Variants in TBC1D15 observed in about 807,000 individuals in gnomAD.
The protein encoded by TBC1D15 is TBC1 domain family member 15, also known as GAP for RAB7.
A neutral mutation model predicts 95.4 loss-of-function variants in TBC1D15; 39 were observed. That is an observed-to-expected ratio of 0.41 (90% CI 0.32 to 0.53). The LOEUF (loss-of-function observed/expected upper bound fraction) is 0.53, where lower values mean the gene tolerates loss of function less well. TBC1D15 is among the 20% of genes least tolerant of loss of function. The probability of loss-of-function intolerance (pLI) is 0.29; values close to 1 mark genes in which losing one functional copy is unlikely to be tolerated. For missense variants in TBC1D15, 733 were observed against 794.3 expected, an observed-to-expected ratio of 0.92 and a Z score of 0.93; for synonymous variants, 258 against 261.3, an observed-to-expected ratio of 0.99 and a Z score of 0.12.
chr12:71,908,770 G>A (rs965893649), intron 11 of TBC1D15, among the ~76,000 whole-genome samples: 4 of 152,124 alleles, frequency 2.6e-5, no homozygotes, highest in Admixed American at 2.6e-4. Context: ...TTTAATTCTC[G>A]TAGCAGCCTT....
At chr12:71,891,770 G>T (rs2138649873) in intron 5 of TBC1D15, among the ~76,000 whole-genome samples, 1 of 152,188 alleles carries the variant, frequency 6.6e-6, no homozygotes, top group East Asian at 1.9e-4. Context: ...TGGTAAGGCA[G>T]TCATTTCATC....
chr12:71,893,440 A>ATGTG (rs76543669), intron 6 of TBC1D15, 116 bp downstream of exon 6: 109 of 470,116 alleles, frequency 2.3e-4, no homozygotes, highest in East Asian at 6.1e-4. Flanking sequence ...ATACATAGAT[A>ATGTG]TGTGTGTGTG....
chr12:71,903,215 C>T (rs149965348), intron 10 of TBC1D15, among the ~76,000 whole-genome samples: 1 of 152,246 alleles, frequency 6.6e-6, no homozygotes, highest in Non-Finnish European at 1.5e-5. Context: ...TGCCTGGCTG[C>T]AGACACGTCT....
At chr12:71,864,164 G>T (rs1286231766) in intron 1 of TBC1D15, among the ~76,000 whole-genome samples, 1 of 151,826 alleles carries the variant, frequency 6.6e-6, no homozygotes. Flanking sequence ...CTGCCTCCTG[G>T]GTTCAAGCGA....
Position 71,884,922 on chromosome 12 carries a change from T to G in TBC1D15, c.455T>G (p.Phe152Cys). 6.2e-7 allele frequency: 1 copy of G among 1,614,060 alleles called. No individual in the cohort carries two copies. The highest frequency in any genetic ancestry group is 1.1e-5 in the South Asian group (1 of 91,078). The change falls in exon 5 of 17, where the codon TTC becomes TGC. Residue 152 changes from phenylalanine (F) to cysteine (C), a missense_variant. Transcript: ENST00000485960. Reference protein sequence around the residue: ...KEGMGWSYLVFCLKDDVVLPA... With the variant: ...KEGMGWSYLVCCLKDDVVLPA... ...GGTATGGGCTGGTCCTATTTGGTAT[T>G]CTGTCTAAAGGATGACGTCGTTCTC...
chr12:71,912,161 A>T (rs889995938), intron 11 of TBC1D15, among the ~76,000 whole-genome samples: 2 of 152,168 alleles, frequency 1.3e-5, no homozygotes, highest in Admixed American at 6.6e-5. Flanking sequence ...CAGGTAGGAA[A>T]GTTCTGATGA....
chr12:71,888,153 T>G (rs1051405292), intron 5 of TBC1D15, among the ~76,000 whole-genome samples: 62 of 152,216 alleles, frequency 4.1e-4, no homozygotes, highest in Non-Finnish European at 5.1e-4. Flanking sequence ...AAAGCTTGTT[T>G]CCTTTTCTAA....
In TBC1D15 at chr12:71,872,107, C is replaced by G. The variant is rs770649970; in HGVS notation, c.68C>G (p.Ser23Cys). ...CAAGAAGGAGTATATATTCACTCAT[C>G]TTGTGGAAAGACCAATGACCAAGAC... ...YEQEGVYIHSSCGKTNDQDGL... is the reference protein window; with the variant it reads ...YEQEGVYIHSCCGKTNDQDGL... The change falls in exon 2 of 17, where the codon TCT (serine) becomes TGT (cysteine). Residue 23 changes from serine to cysteine, a missense_variant. Coordinates refer to ENST00000485960, the MANE Select transcript of TBC1D15 (RefSeq NM_001146213.3). 2.7e-5 allele frequency: 43 copies of G among 1,572,796 alleles called. 1 individual carries two copies. The Admixed American group carries it at 8.1e-4, about 30-fold the overall frequency.
intron 5 of TBC1D15, among the ~76,000 whole-genome samples, chr12:71,887,334 T>C (rs1896435257): frequency 6.6e-6 from 1 of 152,156 alleles, no homozygotes; most frequent in African/African-American, 2.4e-5. Flanking sequence ...AGGAAGGGGA[T>C]CAAAATGGTC....
At chr12:71,878,843 C>A (rs535792202) in intron 3 of TBC1D15, among the ~76,000 whole-genome samples, 1 of 150,740 alleles carries the variant, frequency 6.6e-6, no homozygotes, top group East Asian at 1.9e-4. Flanking sequence ...AAAAAAAAAA[C>A]TAGTCAAACA....
chr12:71,884,414 T>C (rs1293858716), intron 4 of TBC1D15, among the ~76,000 whole-genome samples: 7 of 151,998 alleles, frequency 4.6e-5, no homozygotes, highest in Non-Finnish European at 1.0e-4. Flanking sequence ...CAATGGGAGG[T>C]AAGTATAATT....
At chr12:71,883,195 A>G (rs959538911) in intron 4 of TBC1D15, among the ~76,000 whole-genome samples, 1 of 151,278 alleles carries the variant, frequency 6.6e-6, no homozygotes, top group Admixed American at 6.6e-5. Flanking sequence ...AGCCAGCAGT[A>G]TGTATCTGTT....
Position 71,923,302 on chromosome 12 carries a change from T to A in TBC1D15, c.*98T>A. The A allele has an allele frequency of 9.0e-7, 1 of 1,107,206 alleles. No individual in the cohort carries two copies. Among genetic ancestry groups the A allele is most frequent in the Non-Finnish European group, 1.3e-6 (1 of 754,014 alleles). The allele number at this position is 1,107,206 out of a possible 1,614,324, so 68.6% of individuals were successfully genotyped here. ...TGAAATCTTGGTATTGATCATGCTT[T>A]AAGGTTTATGTAAAGAAAGTGTACT... On this transcript the variant is annotated 3_prime_UTR_variant, in exon 17 of 17. Transcript: ENST00000485960.
chr12:71,918,597 A>G (rs1416629174), intron 14 of TBC1D15, 49 bp downstream of exon 14: 4 of 1,236,190 alleles, frequency 3.2e-6, no homozygotes, highest in Non-Finnish European at 4.6e-6. Flanking sequence ...ATGAAAAGAA[A>G]CAATTTATTC....
intron 1 of TBC1D15, among the ~76,000 whole-genome samples, chr12:71,851,594 A>G (rs971928222): frequency 6.6e-6 from 1 of 152,276 alleles, no homozygotes; most frequent in Non-Finnish European, 1.5e-5. Context: ...CAATGGGGTT[A>G]TAGGCATTGG....
intron 11 of TBC1D15, among the ~76,000 whole-genome samples, chr12:71,909,253 GACA>G (rs1379030132): frequency 6.6e-6 from 1 of 152,166 alleles, no homozygotes; most frequent in Non-Finnish European, 1.5e-5. Flanking sequence ...AAAAGCAATA[GACA>G]ACATTTCTTA....
chr12:71,923,641 A>G lies in TBC1D15; in HGVS notation c.*437A>G, dbSNP rs1283721907. ...AGTAATGAAATAAAAAATAAAAATAAAAGGATTTTTTTCTCTATTGTTTAC... is the reference window on the plus strand; with the variant it reads ...AGTAATGAAATAAAAAATAAAAATAGAAGGATTTTTTTCTCTATTGTTTAC... On this transcript the variant is annotated 3_prime_UTR_variant, in exon 17 of 17. Transcript: ENST00000485960. The G allele has an allele frequency of 6.3e-6, 1 of 158,266 alleles. No individual in the cohort carries two copies. The highest frequency in any genetic ancestry group is 2.4e-5 in the African/African-American group (1 of 41,500). The allele number at this position is 158,266 out of a possible 1,614,324, so 9.8% of individuals were successfully genotyped here.
intron 12 of TBC1D15, among the ~76,000 whole-genome samples, chr12:71,914,547 TAAAAG>T (rs1173963600): frequency 6.6e-6 from 1 of 151,824 alleles, no homozygotes; most frequent in Non-Finnish European, 1.5e-5. Context: ...GACAGGAAAA[TAAAAG>T]AAAAGTCTCT....
At chr12:71,852,940 T>A (rs1340848218) in intron 1 of TBC1D15, among the ~76,000 whole-genome samples, 2 of 152,158 alleles carry the variant, frequency 1.3e-5, no homozygotes, top group Non-Finnish European at 2.9e-5. Context: ...GTTACCCACT[T>A]CCAAAGCTGC....
Sources: allele counts gnomAD v4.1 joint callset (sites outside exome capture counted in the v4.1 genomes callset), GRCh38; gene constraint gnomAD v4.1.1; transcripts MANE v1.5; gene names NCBI Gene and HGNC (gene_info 2026-07-23, HGNC 2026-07-21).